Variants in COMMD10 observed in about 807,000 individuals in gnomAD.
COMMD10 encodes COMM domain containing 10, also known as COMM domain-containing protein 10.
Under a neutral mutation model 28.9 loss-of-function variants are expected in COMMD10, and 33 were observed. That is an observed-to-expected ratio of 1.14 (90% CI 0.87 to 1.53). The LOEUF (loss-of-function observed/expected upper bound fraction) is 1.53, where lower values mean the gene tolerates loss of function less well. Among genes scored for constraint, COMMD10 ranks in the 40% most tolerant of loss-of-function variants. The pLI is 0.00. For missense variants in COMMD10, 310 were observed against 233.4 expected (o/e 1.33, Z -2.14); for synonymous variants, 110 against 81.7 (o/e 1.35, Z -1.87).
chr5:116,112,559 C>T (rs1428129470), intron 4 of COMMD10, among the ~76,000 whole-genome samples: 1 of 152,062 alleles, frequency 6.6e-6, no homozygotes, highest in Non-Finnish European at 1.5e-5. Flanking sequence ...CGCCACCATG[C>T]ACAGCTAATT....
chr5:116,171,129 A>T (rs968567963), intron 5 of COMMD10, among the ~76,000 whole-genome samples: 2 of 135,390 alleles, frequency 1.5e-5, no homozygotes, highest in Admixed American at 7.0e-5. Context: ...AACTTAAATA[A>T]ATTTACATGA....
chr5:116,285,626 C>A (rs975283009), intron 5 of COMMD10, among the ~76,000 whole-genome samples: 8 of 151,916 alleles, frequency 5.3e-5, no homozygotes, highest in African/African-American at 1.9e-4. Context: ...GTCTTTCCAC[C>A]TTTATTCTGT....
chr5:116,200,996 A>G (rs190382620), intron 5 of COMMD10, among the ~76,000 whole-genome samples: 1 of 152,270 alleles, frequency 6.6e-6, no homozygotes, highest in African/African-American at 2.4e-5. Context: ...CTTTTTTAGT[A>G]AGCCTGTGCC....
chr5:116,251,897 G>T (rs1403957665), intron 5 of COMMD10, among the ~76,000 whole-genome samples: 6,975 of 151,144 alleles, frequency 0.046, 201 homozygotes, highest in African/African-American at 0.087. Context: ...TGAACTAGTT[G>T]ACAGTCCCAC....
At chr5:116,216,616 G>T (rs1024627493) in intron 5 of COMMD10, among the ~76,000 whole-genome samples, 1 of 152,076 alleles carries the variant, frequency 6.6e-6, no homozygotes, top group African/African-American at 2.4e-5. Context: ...ACTGCAACCT[G>T]TGCCTCCCGG....
At chr5:116,134,622 C>A (rs372141185) in intron 5 of COMMD10, among the ~76,000 whole-genome samples, 8 of 152,112 alleles carry the variant, frequency 5.3e-5, no homozygotes, top group African/African-American at 1.7e-4. Context: ...TTGAGAAATA[C>A]AATTTATTTA....
chr5:116,164,335 TAAAATAAAA>T (rs879561765), intron 5 of COMMD10, among the ~76,000 whole-genome samples: 1 of 148,266 alleles, frequency 6.7e-6, no homozygotes, highest in Non-Finnish European at 1.5e-5. Context: ...AAAATAAAAA[TAAAATAAAA>T]AACCACTCTG....
intron 4 of COMMD10, among the ~76,000 whole-genome samples, chr5:116,103,072 A>T (rs1422974464): frequency 6.6e-6 from 1 of 151,872 alleles, no homozygotes; most frequent in Non-Finnish European, 1.5e-5. Context: ...TCTTTCATTG[A>T]TGGGCATTTG....
intron 3 of COMMD10, 22 bp from the exon 4 acceptor site, chr5:116,092,523 A>AT (rs1561595568): frequency 6.5e-7 from 1 of 1,528,142 alleles, no homozygotes; most frequent in Non-Finnish European, 8.8e-7. Flanking sequence ...GACATATGTA[A>AT]TTTTTTGTTT....
intron 5 of COMMD10, among the ~76,000 whole-genome samples, chr5:116,170,554 C>G (rs1042705358): frequency 6.6e-6 from 1 of 152,124 alleles, no homozygotes; most frequent in African/African-American, 2.4e-5. Context: ...AAGAACAAAG[C>G]TGGAGGCATC....
rs112642396 is a variant in COMMD10 at position 116,139,947 on chromosome 5, C to A, written c.510+5769C>A. On this transcript the variant is annotated intron_variant, in intron 5 of 6. Transcript: ENST00000274458. Reference sequence around the variant, plus strand: ...AAAATTTCAGTTTACGATACAATATCATTAATTATAGTCCTGATGCTGTAC... The same window carrying A: ...AAAATTTCAGTTTACGATACAATATAATTAATTATAGTCCTGATGCTGTAC... 7.8e-3 allele frequency among the ~76,000 whole-genome samples: 1,186 copies of A among 151,752 alleles called. 15 individuals carry two copies. Among genetic ancestry groups the A allele is most frequent in the African/African-American group, 0.026 (1,096 of 41,468 alleles).
intron 5 of COMMD10, among the ~76,000 whole-genome samples, chr5:116,170,542 A>G (rs1191936499): frequency 6.6e-6 from 1 of 152,192 alleles, no homozygotes; most frequent in Admixed American, 6.5e-5. Context: ...ATCCTAAGCA[A>G]AAAGAACAAA....
chr5:116,204,671 C>T (rs1748765769), intron 5 of COMMD10, among the ~76,000 whole-genome samples: 2 of 152,216 alleles, frequency 1.3e-5, no homozygotes, highest in African/African-American at 4.8e-5. Context: ...CACTCATTGA[C>T]ACTTAATATG....
chr5:116,279,058 G>A (rs893194529), intron 5 of COMMD10, among the ~76,000 whole-genome samples: 2 of 151,732 alleles, frequency 1.3e-5, no homozygotes, highest in Admixed American at 6.6e-5. Context: ...GAAATCACTG[G>A]TGTATGCATG....
At chr5:116,161,063 A>G (rs1752899981) in intron 5 of COMMD10, among the ~76,000 whole-genome samples, 2 of 152,216 alleles carry the variant, frequency 1.3e-5, no homozygotes, top group African/African-American at 4.8e-5. Context: ...TAAAATATTT[A>G]TGGGCCCATG....
rs139814385 is a variant in COMMD10, at chr5:116,153,348, T to C, written c.510+19170T>C. On this transcript the variant is annotated intron_variant, in intron 5 of 6. Coordinates refer to ENST00000274458, the MANE Select transcript of COMMD10 (RefSeq NM_016144.4). ...GGGGCATCTGATTTCTTCATAATATTATATAAAATTTGTGAGTGGCTAAGC... is the reference window on the plus strand; with the variant it reads ...GGGGCATCTGATTTCTTCATAATATCATATAAAATTTGTGAGTGGCTAAGC... Among the ~76,000 whole-genome samples, 928 of 152,132 alleles carry C rather than the reference T, an allele frequency of 6.1e-3. 5 individuals carry two copies. The highest frequency in any genetic ancestry group is 9.9e-3 in the Non-Finnish European group (672 of 67,984).
chr5:116,154,812 G>A (rs1345736129), intron 5 of COMMD10, among the ~76,000 whole-genome samples: 1 of 151,008 alleles, frequency 6.6e-6, no homozygotes, highest in Non-Finnish European at 1.5e-5. Flanking sequence ...ATATACAGTG[G>A]GACCTCGTTT....
rs371532200 is a variant in COMMD10 at position 116,247,917 on chromosome 5, A to G, written c.511-43600A>G. Reference sequence around the variant, plus strand: ...TCTGTACAACAGATCCCCATGACACAAGTTTACCTATGTAGCAAATATGCA... The same window carrying G: ...TCTGTACAACAGATCCCCATGACACGAGTTTACCTATGTAGCAAATATGCA... On this transcript the variant is annotated intron_variant, in intron 5 of 6. Transcript: ENST00000274458. Among the ~76,000 whole-genome samples, 11 of 152,114 alleles carry G rather than the reference A, an allele frequency of 7.2e-5. No individual in the cohort carries two copies. The South Asian group carries it at 2.3e-3, about 32-fold the overall frequency.
intron 4 of COMMD10, among the ~76,000 whole-genome samples, chr5:116,093,496 T>G (rs1750367487): frequency 6.6e-6 from 1 of 152,064 alleles, no homozygotes; most frequent in Non-Finnish European, 1.5e-5. Context: ...TAATCCTAAC[T>G]GTGGGAGAGT....
Sources: gnomAD v4.1 joint callset for allele counts (sites outside exome capture counted in the v4.1 genomes callset) on GRCh38, gnomAD v4.1.1 for gene constraint, MANE v1.5 for transcripts, NCBI Gene and HGNC (gene_info 2026-07-23, HGNC 2026-07-21) for gene names.